The following PDE4D variants were observed in gnomAD, a reference collection of about 807,000 sequenced individuals.
The protein encoded by PDE4D is phosphodiesterase 4D.
PDE4D carries 24 observed loss-of-function variants against 87.4 expected under a neutral mutation model. The observed-to-expected ratio is 0.27, with a 90% CI of 0.20 to 0.39. PDE4D has a LOEUF of 0.39. Ranked by LOEUF, PDE4D falls within the 10% of genes least tolerant of loss-of-function variation. PDE4D has a pLI of 1.00. For missense variants in PDE4D, 714 were observed against 1,041.0 expected (o/e 0.69, Z 4.32); for synonymous variants, 384 against 383.2 (o/e 1.00, Z -0.02).
chr5:60,092,050 CAAAAAAA>C (rs66814905), intron 2 of PDE4D, among the ~76,000 whole-genome samples: 43 of 55,990 alleles, frequency 7.7e-4, no homozygotes, highest in African/African-American at 1.0e-3. Flanking sequence ...AACTCCGTCT[CAAAAAAA>C]AAAAAAAAAA....
intron 1 of PDE4D, among the ~76,000 whole-genome samples, chr5:59,684,510 C>G (rs1241235138): frequency 6.6e-6 from 1 of 151,970 alleles, no homozygotes; most frequent in Non-Finnish European, 1.5e-5. Flanking sequence ...ACAGAGTAAC[C>G]TTCATGAAGG....
chr5:60,322,391 C>T (rs960368674), intron 1 of PDE4D, among the ~76,000 whole-genome samples: 55 of 150,998 alleles, frequency 3.6e-4, no homozygotes, highest in South Asian at 6.4e-4. Context: ...CACACACACA[C>T]ACACACACAC....
At chr5:59,309,554 G>A (rs1228530942) in intron 1 of PDE4D, among the ~76,000 whole-genome samples, 1 of 152,176 alleles carries the variant, frequency 6.6e-6, no homozygotes, top group Non-Finnish European at 1.5e-5. Flanking sequence ...TGTGTGTTCA[G>A]GAGAGGAGGG....
At chr5:59,993,391 A>G (rs1763205936) in intron 2 of PDE4D, among the ~76,000 whole-genome samples, 1 of 152,218 alleles carries the variant, frequency 6.6e-6, no homozygotes, top group South Asian at 2.1e-4. Context: ...TAATTGCTGT[A>G]CTGAAGGATT....
intron 2 of PDE4D, among the ~76,000 whole-genome samples, chr5:60,016,714 C>T (rs78532767): frequency 0.078 from 11,814 of 152,272 alleles, 634 homozygotes; most frequent in Non-Finnish European, 0.12. Context: ...AGCTCCTCAT[C>T]TCTTCAAGTT....
At chr5:58,976,542 A>G (rs917249821) in intron 12 of PDE4D, 70 bp from the exon 13 acceptor site, 4 of 1,218,696 alleles carry the variant, frequency 3.3e-6, no homozygotes, top group Non-Finnish European at 4.6e-6. Context: ...TACGCAGAAT[A>G]TAAGAATGAA....
chr5:59,387,455 T>C (rs936646318), intron 1 of PDE4D, among the ~76,000 whole-genome samples: 4 of 152,222 alleles, frequency 2.6e-5, no homozygotes, highest in African/African-American at 9.6e-5. Flanking sequence ...AGAGCTCCAA[T>C]GATCTGACAC....
intron 1 of PDE4D, among the ~76,000 whole-genome samples, chr5:59,879,138 G>C (rs934297045): frequency 9.3e-5 from 14 of 151,230 alleles, no homozygotes; most frequent in Admixed American, 9.2e-4. Flanking sequence ...CTGACCTCGT[G>C]ATCCGCTCTC....
At position 59,967,975 on chromosome 5, in the gene PDE4D, C is replaced by CT. The variant is rs34199262; in HGVS notation, c.272+20512dup. On this transcript the variant is annotated intron_variant, in intron 3 of 16. Transcript: ENST00000502484. The stretch of plus-strand genomic sequence containing the variant: ...CATGAATGGAGCTGGGAGCCATATG[C>CT]TTTTTTTTTTTTTTTTTTTTTTTTT... Among the ~76,000 whole-genome samples the CT allele has an allele frequency of 5.5e-3, 288 of 52,720 alleles. 24 individuals are homozygous for CT. The highest frequency in any genetic ancestry group is 0.016 in the Middle Eastern group (1 of 64). The allele number at this position is 52,720 out of a possible 152,430, so 34.6% of individuals were successfully genotyped here.
intron 1 of PDE4D, among the ~76,000 whole-genome samples, chr5:59,688,234 A>G (rs992575712): frequency 6.6e-6 from 1 of 152,250 alleles, no homozygotes; most frequent in Non-Finnish European, 1.5e-5. Flanking sequence ...AGACATCTAC[A>G]GAACTCTCCA....
chr5:59,593,330 A>G (rs941610430), intron 1 of PDE4D, among the ~76,000 whole-genome samples: 1 of 151,990 alleles, frequency 6.6e-6, no homozygotes, highest in African/African-American at 2.4e-5. Flanking sequence ...AAAAAAAAAA[A>G]AAAAAGAGAA....
chr5:59,680,124 T>C (rs751737057), intron 1 of PDE4D, among the ~76,000 whole-genome samples: 3 of 152,118 alleles, frequency 2.0e-5, no homozygotes. Flanking sequence ...AAATACATAA[T>C]TAATGGCATT....
chr5:60,363,668 G>C (rs1439838005), intron 1 of PDE4D, among the ~76,000 whole-genome samples: 2 of 152,180 alleles, frequency 1.3e-5, no homozygotes, highest in African/African-American at 4.8e-5. Context: ...AGGAGAAGTG[G>C]CATCACCAGA....
intron 3 of PDE4D, among the ~76,000 whole-genome samples, chr5:59,933,066 G>T (rs1756153031): frequency 6.6e-6 from 1 of 152,084 alleles, no homozygotes; most frequent in Non-Finnish European, 1.5e-5. Context: ...CCATTGCTTT[G>T]AAATAGGATT....
intron 1 of PDE4D, among the ~76,000 whole-genome samples, chr5:59,794,054 T>G (rs1054932451): frequency 1.3e-5 from 2 of 151,270 alleles, no homozygotes; most frequent in Non-Finnish European, 2.9e-5. Flanking sequence ...CACAGGCACA[T>G]GCACACACAC....
At chr5:59,909,552 T>A (rs1753213358) in intron 3 of PDE4D, among the ~76,000 whole-genome samples, 1 of 151,972 alleles carries the variant, frequency 6.6e-6, no homozygotes, top group Non-Finnish European at 1.5e-5. Flanking sequence ...ACACCACCAC[T>A]TTTGTATTTT....
At chr5:60,099,973 G>A (rs1247127785) in intron 2 of PDE4D, among the ~76,000 whole-genome samples, 1 of 151,808 alleles carries the variant, frequency 6.6e-6, no homozygotes, top group African/African-American at 2.4e-5. Flanking sequence ...AAGAAAGAAA[G>A]AAAGAAAACC....
chr5:60,467,906 C>T (rs529661743), intron 1 of PDE4D, among the ~76,000 whole-genome samples: 4 of 152,234 alleles, frequency 2.6e-5, no homozygotes, highest in African/African-American at 9.6e-5. Flanking sequence ...GGGAAATCCA[C>T]CCCCAAGATC....
intron 1 of PDE4D, among the ~76,000 whole-genome samples, chr5:59,532,044 A>G (rs780853947): frequency 2.0e-5 from 3 of 152,206 alleles, no homozygotes; most frequent in Non-Finnish European, 4.4e-5. Flanking sequence ...TATTTATTTC[A>G]GAAAATTAAT....
Sources: allele counts gnomAD v4.1 joint callset (sites outside exome capture counted in the v4.1 genomes callset), GRCh38; gene constraint gnomAD v4.1.1; transcripts MANE v1.5; gene names NCBI Gene and HGNC (gene_info 2026-07-23, HGNC 2026-07-21).